The following MPDZ variants were observed in gnomAD, a reference collection of about 807,000 sequenced individuals.
MPDZ encodes the protein multiple PDZ domain crumbs cell polarity complex component.
A neutral mutation model predicts 239.1 loss-of-function variants in MPDZ; 234 were observed. That is an observed-to-expected ratio of 0.98 (90% CI 0.88 to 1.09). The LOEUF (loss-of-function observed/expected upper bound fraction) is 1.09. Among genes scored for constraint, MPDZ ranks in the 50% least tolerant of loss-of-function variants. The probability of loss-of-function intolerance (pLI) is 0.00; values close to 1 mark genes in which losing one functional copy is unlikely to be tolerated. For synonymous variants in MPDZ, 1,048 were observed against 881.3 expected (o/e 1.19, Z -3.35); for missense variants, 3,175 against 2,510.0 (o/e 1.26, Z -5.66).
rs1179437935 is a variant in MPDZ, at chr9:13,216,873, A to C, written c.1202-11T>G. 6.3e-7 allele frequency: 1 copy of C among 1,596,262 alleles called. No homozygotes were observed. The highest frequency in any genetic ancestry group is 8.6e-7 in the Non-Finnish European group (1 of 1,168,186). On this transcript the variant is annotated splice_polypyrimidine_tract_variant and intron_variant, in intron 9 of 46. Coordinates refer to ENST00000319217, the MANE Select transcript of MPDZ (RefSeq NM_001378778.1). ...AGATTCCTGAAGGTTCTAAGATTAG[A>C]AATAGTTTATTTTTCACAATTTTCA...
At chr9:13,220,627 C>T (rs1307808135) in intron 7 of MPDZ, among the ~76,000 whole-genome samples, 1 of 151,750 alleles carries the variant, frequency 6.6e-6, no homozygotes, top group Non-Finnish European at 1.5e-5. Context: ...ATTATATTAC[C>T]GTTAACACCC....
chr9:13,193,131 T>C (rs781364217), intron 14 of MPDZ, 36 bp downstream of exon 14: 1 of 1,437,258 alleles, frequency 7.0e-7, no homozygotes, highest in Non-Finnish European at 9.2e-7. Context: ...TTCCATGTCT[T>C]ATTTAAGGAG....
chr9:13,231,382 A>G (rs1208896100), intron 3 of MPDZ, among the ~76,000 whole-genome samples: 2 of 152,052 alleles, frequency 1.3e-5, no homozygotes, highest in Non-Finnish European at 2.9e-5. Flanking sequence ...CCTGGCCAAC[A>G]TGGCAAAAAC....
At chr9:13,241,825 T>C (rs1213899986) in intron 3 of MPDZ, among the ~76,000 whole-genome samples, 1 of 152,190 alleles carries the variant, frequency 6.6e-6, no homozygotes, top group Non-Finnish European at 1.5e-5. Flanking sequence ...CTCTTCGCAG[T>C]CGTACAAATC....
At chr9:13,268,444 C>T (rs778322798) in intron 1 of MPDZ, among the ~76,000 whole-genome samples, 1 of 152,006 alleles carries the variant, frequency 6.6e-6, no homozygotes, top group Non-Finnish European at 1.5e-5. Context: ...CTTCAGGCCC[C>T]CAAGTCTTTA....
chr9:13,278,860 G>C lies in MPDZ; in HGVS notation c.-58+540C>G, dbSNP rs552943630. Among the ~76,000 whole-genome samples, 24 of 152,104 alleles carry C rather than the reference G, an allele frequency of 1.6e-4. No homozygotes were observed. The East Asian group carries it at 2.8e-3, about 18-fold the overall frequency. ...CGCAACCCGCACATCCCGGGACCAC[G>C]TAACGGCGGATGGGGCGTCCGGGAG... On this transcript the variant is annotated intron_variant, in intron 1 of 46. Transcript: ENST00000319217.
At position 13,235,392 on chromosome 9, in the gene MPDZ, T is replaced by C. The variant is rs930676288; in HGVS notation, c.184-10809A>G. ...TTCCTTTCATTCATTCAAGTATTTA[T>C]TGAGCATCTAAAATGTCTTAAACAT... On this transcript the variant is annotated intron_variant, in intron 3 of 46. Transcript: ENST00000319217. 3.3e-5 allele frequency among the ~76,000 whole-genome samples: 5 copies of C among 152,320 alleles called. No individual in the cohort carries two copies. In the East Asian group the frequency reaches 7.7e-4, roughly 23 times the overall value.
chr9:13,180,985 A>G (rs983529686), intron 19 of MPDZ, among the ~76,000 whole-genome samples: 2 of 152,194 alleles, frequency 1.3e-5, no homozygotes, highest in African/African-American at 4.8e-5. Flanking sequence ...GCCTCCCTCT[A>G]TGAAGAGTCT....
chr9:13,148,855 T>C (rs142456582), intron 25 of MPDZ, among the ~76,000 whole-genome samples: 51 of 152,142 alleles, frequency 3.4e-4, no homozygotes, highest in Non-Finnish European at 6.5e-4. Context: ...GCACAAATCA[T>C]TGCTAAATTG....
At position 13,125,338 on chromosome 9, in the gene MPDZ, G is replaced by T. The variant is rs1310307733; in HGVS notation, c.4685C>A (p.Ala1562Asp). 6.2e-7 allele frequency: 1 copy of T among 1,613,842 alleles called. No individual in the cohort carries two copies. Residue 1562 changes from alanine (A) to aspartate (D), a missense_variant, in exon 35 of 47, where the codon GCT becomes GAT. Ala to Asp is a moderately radical substitution (Grantham distance 126). Transcript: ENST00000319217. Reference protein sequence around the residue: ...AKMTVKLTIHAENPDSQAVPS... With the variant: ...AKMTVKLTIHDENPDSQAVPS... ...AACAGCCTGGGAATCTGGATTCTCA[G>T]CATGGATGGTAAGTTTTACTGTCAT...
intron 23 of MPDZ, among the ~76,000 whole-genome samples, chr9:13,159,489 A>C (rs1204401918): frequency 6.6e-6 from 1 of 152,180 alleles, no homozygotes; most frequent in Non-Finnish European, 1.5e-5. Flanking sequence ...CTTTGTCCAG[A>C]GGATGCAAGG....
chr9:13,242,144 C>T (rs1204725757), intron 3 of MPDZ, among the ~76,000 whole-genome samples: 1 of 148,922 alleles, frequency 6.7e-6, no homozygotes, highest in Non-Finnish European at 1.5e-5. Flanking sequence ...TACTATATTT[C>T]ACAATTATAA....
At position 13,209,226 on chromosome 9, in the gene MPDZ, ATG is replaced by A. The variant is rs1957339833; in HGVS notation, c.1291-3129_1291-3128del. On this transcript the variant is annotated intron_variant, in intron 10 of 46. Coordinates refer to ENST00000319217, the MANE Select transcript of MPDZ (RefSeq NM_001378778.1). ...TAAAGGCCATACTAAGCTGGGTTGCATGTAATAGCACAGAATTACTTTATTTG... is the reference window on the plus strand; with the variant it reads ...TAAAGGCCATACTAAGCTGGGTTGCATAATAGCACAGAATTACTTTATTTG... Among the ~76,000 whole-genome samples the A allele has an allele frequency of 2.0e-5, 3 of 152,348 alleles. 1 individual carries two copies. The South Asian group carries it at 6.2e-4, about 32-fold the overall frequency.
intron 10 of MPDZ, among the ~76,000 whole-genome samples, chr9:13,210,078 A>C (rs1957438848): frequency 6.6e-6 from 1 of 151,744 alleles, no homozygotes; most frequent in South Asian, 2.1e-4. Context: ...AATTACAAAA[A>C]AAAAAAAACC....
chr9:13,150,435 A>C (rs894603843), intron 25 of MPDZ, 76 bp downstream of exon 25: 2 of 1,194,910 alleles, frequency 1.7e-6, no homozygotes, highest in Non-Finnish European at 2.2e-6. Context: ...TTAAAGTATA[A>C]TAATAGTAAA....
chr9:13,224,551 A>G lies in MPDZ; in HGVS notation c.216T>C (p.Ile72=), dbSNP rs769135932. Residue 72 remains isoleucine (I), a synonymous_variant, in exon 4 of 47, where the codon ATT becomes ATC. Transcript: ENST00000319217. ...TGAGATGAGGAACGTGGGCATATTC[A>G]ATATTTGAAGTTGCTGAAGTTGCAA... The part of the protein sequence containing the change: ...VNIATSATSN[I]EYAHVPHLSP... 1 of 1,611,582 alleles carries G rather than the reference A, an allele frequency of 6.2e-7. No individual in the cohort carries two copies. The highest frequency in any genetic ancestry group is 1.7e-5 in the Admixed American group (1 of 59,734).
chr9:13,113,785 C>T, intron 41 of MPDZ, 146 bp downstream of exon 41: 1 of 645,310 alleles, frequency 1.5e-6, no homozygotes, highest in Non-Finnish European at 2.7e-6. Context: ...TCATGTTGTT[C>T]AGACTTTTTG....
intron 22 of MPDZ, among the ~76,000 whole-genome samples, chr9:13,168,099 C>T (rs2133887284): frequency 6.6e-6 from 1 of 152,240 alleles, no homozygotes; most frequent in South Asian, 2.1e-4. Flanking sequence ...TTGCATCCCT[C>T]ACTTCTATGG....
intron 1 of MPDZ, among the ~76,000 whole-genome samples, chr9:13,259,289 G>A (rs1970128954): frequency 6.6e-6 from 1 of 151,710 alleles, no homozygotes; most frequent in African/African-American, 2.4e-5. Context: ...GCCTGAGATC[G>A]AGCCACCACA....
Sources: gnomAD v4.1 joint callset for allele counts (sites outside exome capture counted in the v4.1 genomes callset) on GRCh38, gnomAD v4.1.1 for gene constraint, MANE v1.5 for transcripts, NCBI Gene and HGNC (gene_info 2026-07-23, HGNC 2026-07-21) for gene names.